MAGI2: variants seen among roughly 807,000 people sequenced by gnomAD.
The protein encoded by MAGI2 is membrane associated guanylate kinase, WW and PDZ domain containing 2.
In MAGI2, 35 loss-of-function variants were observed where a neutral mutation model predicts 133.3. The ratio of observed to expected loss-of-function variants is 0.26; its 90% CI spans 0.20 to 0.35. The LOEUF (loss-of-function observed/expected upper bound fraction) is 0.35, where lower values mean the gene tolerates loss of function less well. Ranked by LOEUF, MAGI2 falls within the 10% of genes least tolerant of loss-of-function variation. The probability of loss-of-function intolerance (pLI) is 1.00; values close to 1 mark genes in which losing one functional copy is unlikely to be tolerated. For synonymous variants in MAGI2, 729 were observed against 710.6 expected, an observed-to-expected ratio of 1.03 and a Z score of -0.41; for missense variants, 1,636 against 1,863.4, an observed-to-expected ratio of 0.88 and a Z score of 2.25.
At chr7:79,098,978 G>A (rs1029684188) in intron 1 of MAGI2, among the ~76,000 whole-genome samples, 15 of 152,140 alleles carry the variant, frequency 9.9e-5, no homozygotes, top group African/African-American at 3.6e-4. Context: ...TAAAATGTAA[G>A]AGAACATATT....
chr7:78,489,768 T>G lies in MAGI2; in HGVS notation c.1038A>C (p.Lys346Asn), dbSNP rs746404151. 28 of 1,611,436 alleles carry G rather than the reference T, an allele frequency of 1.7e-5. No homozygotes were observed. In the East Asian group the frequency reaches 2.2e-4, roughly 13 times the overall value. ...AAAAACTTAATAACCTACCATTTTC[T>G]TTGCACTCTTCTGGAGGTTTAGCCT... ...AKKAKPPEEC[K>N]ENELPYGWEK... Residue 346 changes from lysine to asparagine, a missense_variant, in exon 6 of 22, where the codon AAA becomes AAC. Coordinates refer to ENST00000354212, the MANE Select transcript of MAGI2 (RefSeq NM_012301.4).
intron 1 of MAGI2, among the ~76,000 whole-genome samples, chr7:79,109,354 T>C (rs1028917144): frequency 2.6e-5 from 4 of 152,148 alleles, no homozygotes; most frequent in African/African-American, 4.8e-5. Context: ...ATGAGGAACT[T>C]ATTGGGAACT....
intron 1 of MAGI2, among the ~76,000 whole-genome samples, chr7:79,400,814 G>C (rs999730486): frequency 3.9e-5 from 6 of 151,910 alleles, no homozygotes; most frequent in African/African-American, 1.5e-4. Context: ...TAGTTATATA[G>C]TATGTTCTAC....
intron 1 of MAGI2, among the ~76,000 whole-genome samples, chr7:79,240,587 C>T (rs1832316216): frequency 6.6e-6 from 1 of 152,054 alleles, no homozygotes; most frequent in South Asian, 2.1e-4. Flanking sequence ...TTTGTTCTTT[C>T]TCTGCTGTTC....
chr7:79,393,735 T>C (rs923725287), intron 1 of MAGI2, among the ~76,000 whole-genome samples: 1 of 152,236 alleles, frequency 6.6e-6, no homozygotes, highest in African/African-American at 2.4e-5. Flanking sequence ...CACATTGTTA[T>C]GTGAACATTT....
chr7:78,889,344 G>T (rs1796544740), intron 2 of MAGI2, among the ~76,000 whole-genome samples: 1 of 152,168 alleles, frequency 6.6e-6, no homozygotes, highest in African/African-American at 2.4e-5. Context: ...ATCTAGCAAG[G>T]CAGGCCAACA....
intron 6 of MAGI2, among the ~76,000 whole-genome samples, chr7:78,401,052 T>C (rs544707521): frequency 6.7e-6 from 1 of 150,158 alleles, no homozygotes; most frequent in African/African-American, 2.4e-5. Flanking sequence ...AATGGTTTCT[T>C]ATTTCCATTC....
chr7:79,055,881 C>A (rs1274335708), intron 1 of MAGI2, among the ~76,000 whole-genome samples: 11 of 152,114 alleles, frequency 7.2e-5, no homozygotes, highest in African/African-American at 2.7e-4. Context: ...TTACTGCCAC[C>A]TAATGAGAGT....
chr7:79,065,590 T>A (rs1366179059), intron 1 of MAGI2, among the ~76,000 whole-genome samples: 1 of 152,076 alleles, frequency 6.6e-6, no homozygotes, highest in African/African-American at 2.4e-5. Context: ...ACTTTAAGTT[T>A]TCAGGTACAT....
chr7:78,601,781 G>A (rs749124967), intron 3 of MAGI2, among the ~76,000 whole-genome samples: 1 of 152,122 alleles, frequency 6.6e-6, no homozygotes, highest in Non-Finnish European at 1.5e-5. Context: ...AGATTTTGAG[G>A]TATTTATATT....
At chr7:79,416,729 T>TC (rs1846553604) in intron 1 of MAGI2, among the ~76,000 whole-genome samples, 1 of 135,720 alleles carries the variant, frequency 7.4e-6, no homozygotes, top group Non-Finnish European at 1.6e-5. Flanking sequence ...CTTTTTCTTT[T>TC]TCTTTTTTTT....
At chr7:78,285,030 C>T (rs1255779609) in intron 9 of MAGI2, among the ~76,000 whole-genome samples, 1 of 152,142 alleles carries the variant, frequency 6.6e-6, no homozygotes, top group African/African-American at 2.4e-5. Flanking sequence ...TGGCCACGGA[C>T]ACTCTGAATG....
chr7:78,306,948 C>T (rs1478488074), intron 9 of MAGI2, among the ~76,000 whole-genome samples: 3 of 152,100 alleles, frequency 2.0e-5, no homozygotes, highest in Admixed American at 6.5e-5. Context: ...CGCATATGTC[C>T]AATTCAGGTT....
In MAGI2 at chr7:78,491,871, T is replaced by TTGTGTG. The variant is rs10598552; in HGVS notation, c.966-2037_966-2032dup. Among the ~76,000 whole-genome samples, 303 of 141,182 alleles carry TTGTGTG rather than the reference T, an allele frequency of 2.1e-3. 1 individual carries two copies. Among genetic ancestry groups the TTGTGTG allele is most frequent in the South Asian group, 5.5e-3 (23 of 4,174 alleles). The allele number at this position is 141,182 out of a possible 152,430, so 92.6% of individuals were successfully genotyped here. A position where few individuals can be genotyped will look rare whatever the true frequency, so the allele number is the denominator to read the frequency against. ...CTTTATAGACATGCCTCCGTTCAAA[T>TTGTGTG]TGTGTGTGTGTGTGTGTGTGTGTGT... is the stretch of plus-strand genomic sequence containing the variant. On this transcript the variant is annotated intron_variant, in intron 5 of 21. Transcript: ENST00000354212.
chr7:78,610,459 G>C (rs945500562), intron 3 of MAGI2, among the ~76,000 whole-genome samples: 1 of 152,176 alleles, frequency 6.6e-6, no homozygotes, highest in Admixed American at 6.5e-5. Context: ...TGGAGACCTG[G>C]AGGGTTGAAT....
At chr7:79,359,817 A>C (rs1319353679) in intron 1 of MAGI2, among the ~76,000 whole-genome samples, 2 of 152,138 alleles carry the variant, frequency 1.3e-5, no homozygotes, top group South Asian at 4.1e-4. Context: ...AAACTAAAAT[A>C]ATTTGTTGCT....
intron 1 of MAGI2, among the ~76,000 whole-genome samples, chr7:79,408,414 G>C (rs535031429): frequency 1.3e-5 from 2 of 151,914 alleles, no homozygotes; most frequent in Non-Finnish European, 2.9e-5. Context: ...AAAATGTCTA[G>C]AGTTGGGTCT....
At position 78,475,066 on chromosome 7, in the gene MAGI2, C is replaced by T. The variant is rs1031117972; in HGVS notation, c.1045+14695G>A. Among the ~76,000 whole-genome samples, 3 of 152,020 alleles carry T rather than the reference C, an allele frequency of 2.0e-5. No individual in the cohort carries two copies. The South Asian group carries it at 6.2e-4, about 32-fold the overall frequency. On this transcript the variant is annotated intron_variant, in intron 6 of 21. Coordinates refer to ENST00000354212, the MANE Select transcript of MAGI2 (RefSeq NM_012301.4). ...TCCCTCAGTACTTGGGATTCAAATA[C>T]ATATTCTATCAACATACCAAGTTGG...
At chr7:78,557,620 TACAAAAACTAGA>T (rs887974442) in intron 3 of MAGI2, among the ~76,000 whole-genome samples, 16 of 152,154 alleles carry the variant, frequency 1.1e-4, no homozygotes, top group African/African-American at 2.9e-4. Flanking sequence ...GATGCTGACT[TACAAAAACTAGA>T]GCGAAAACTA....
Sources: gnomAD v4.1 joint callset for allele counts (sites outside exome capture counted in the v4.1 genomes callset) on GRCh38, gnomAD v4.1.1 for gene constraint, MANE v1.5 for transcripts, NCBI Gene and HGNC (gene_info 2026-07-23, HGNC 2026-07-21) for gene names.